The following DPP10 variants were observed in gnomAD, a reference collection of about 807,000 sequenced individuals.
The protein encoded by DPP10 is inactive dipeptidyl peptidase 10.
In DPP10, 33 loss-of-function variants were observed where a neutral mutation model predicts 120.9. That is an observed-to-expected ratio of 0.27 (90% CI 0.21 to 0.37). The LOEUF (loss-of-function observed/expected upper bound fraction) is 0.37. DPP10 is among the 10% of genes least tolerant of loss of function. The pLI is 1.00. For missense variants in DPP10, 816 were observed against 942.8 expected (o/e 0.87, Z 1.76); for synonymous variants, 337 against 326.1 (o/e 1.03, Z -0.36).
chr2:114,578,429 T>C (rs1690232269), intron 1 of DPP10, among the ~76,000 whole-genome samples: 1 of 152,218 alleles, frequency 6.6e-6, no homozygotes, highest in Non-Finnish European at 1.5e-5. Context: ...TTTCTTTTTA[T>C]TTCAGTTACA....
At chr2:115,807,128 C>A (rs770000738) in intron 19 of DPP10, among the ~76,000 whole-genome samples, 6 of 152,198 alleles carry the variant, frequency 3.9e-5, no homozygotes, top group Non-Finnish European at 8.8e-5. Context: ...AAGCCTCTTA[C>A]CTTTCTACTT....
At chr2:114,696,771 A>G (rs1700092079) in intron 1 of DPP10, among the ~76,000 whole-genome samples, 1 of 151,990 alleles carries the variant, frequency 6.6e-6, no homozygotes, top group African/African-American at 2.4e-5. Context: ...AGGTGAATGA[A>G]AAAGTCATTA....
chr2:114,613,035 T>A (rs785040), intron 1 of DPP10, among the ~76,000 whole-genome samples: 15,698 of 152,138 alleles, frequency 0.1, 1,049 homozygotes, highest in East Asian at 0.21. Context: ...TTATTAATAA[T>A]GAAAATGAGG....
intron 1 of DPP10, among the ~76,000 whole-genome samples, chr2:114,632,854 T>C (rs1695037514): frequency 6.6e-6 from 1 of 152,170 alleles, no homozygotes; most frequent in Admixed American, 6.5e-5. Flanking sequence ...TTAATTACCA[T>C]TGTGATTACT....
At chr2:115,329,436 C>T (rs902600820) in intron 2 of DPP10, among the ~76,000 whole-genome samples, 1 of 151,694 alleles carries the variant, frequency 6.6e-6, no homozygotes, top group African/African-American at 2.4e-5. Flanking sequence ...GTAGTTCTTG[C>T]TTTCTTTATT....
At chr2:115,520,574 A>C (rs971796394) in intron 4 of DPP10, among the ~76,000 whole-genome samples, 3 of 152,024 alleles carry the variant, frequency 2.0e-5, no homozygotes, top group Non-Finnish European at 4.4e-5. Flanking sequence ...AGCTTATTCC[A>C]AGGTCTAGAA....
intron 1 of DPP10, among the ~76,000 whole-genome samples, chr2:114,447,463 A>G (rs970244510): frequency 1.3e-5 from 2 of 152,218 alleles, no homozygotes; most frequent in African/African-American, 4.8e-5. Flanking sequence ...TTTAATAACA[A>G]AAAATCTACC....
intron 5 of DPP10, among the ~76,000 whole-genome samples, chr2:115,659,798 G>T (rs1367698205): frequency 6.6e-6 from 1 of 152,148 alleles, no homozygotes; most frequent in African/African-American, 2.4e-5. Flanking sequence ...GTTTTCATTT[G>T]TCAGTTCTAT....
At chr2:114,691,820 T>C (rs1029225416) in intron 1 of DPP10, among the ~76,000 whole-genome samples, 1 of 152,018 alleles carries the variant, frequency 6.6e-6, no homozygotes, top group East Asian at 1.9e-4. Context: ...GGAGGATATA[T>C]GTGTCCAGGA....
intron 19 of DPP10, among the ~76,000 whole-genome samples, chr2:115,801,152 T>A (rs895847903): frequency 5.3e-5 from 8 of 151,822 alleles, no homozygotes; most frequent in Non-Finnish European, 7.4e-5. Flanking sequence ...GTCCTTCACA[T>A]CCCTTGTAAG....
intron 1 of DPP10, among the ~76,000 whole-genome samples, chr2:115,136,361 A>G (rs72837526): frequency 0.061 from 9,225 of 152,220 alleles, 398 homozygotes; most frequent in East Asian, 0.24. Flanking sequence ...TGGATGTCCT[A>G]TGAAAATATT....
At chr2:114,976,988 A>T (rs1021962739) in intron 1 of DPP10, among the ~76,000 whole-genome samples, 2 of 152,052 alleles carry the variant, frequency 1.3e-5, no homozygotes, top group Non-Finnish European at 2.9e-5. Context: ...ATTCACTCTG[A>T]TTAATTCCAT....
At chr2:115,075,887 T>G (rs1290944685) in intron 1 of DPP10, among the ~76,000 whole-genome samples, 4 of 152,168 alleles carry the variant, frequency 2.6e-5, no homozygotes, top group African/African-American at 9.7e-5. Flanking sequence ...ATTGTACCCT[T>G]CAGGTTCAAA....
chr2:115,815,127 C>A, intron 20 of DPP10, 140 bp downstream of exon 20: 8 of 816,368 alleles, frequency 9.8e-6, no homozygotes, highest in Non-Finnish European at 1.4e-5. Flanking sequence ...AAGCCTATTT[C>A]ATTTTTTTTT....
At chr2:114,577,424 T>C (rs750684505) in intron 1 of DPP10, among the ~76,000 whole-genome samples, 1 of 152,084 alleles carries the variant, frequency 6.6e-6, no homozygotes, top group Non-Finnish European at 1.5e-5. Context: ...GTGGCCAGTA[T>C]CACATACCTG....
chr2:114,968,793 A>G (rs1699207155), intron 1 of DPP10, among the ~76,000 whole-genome samples: 1 of 152,194 alleles, frequency 6.6e-6, no homozygotes, highest in South Asian at 2.1e-4. Flanking sequence ...CTTGAACTAT[A>G]AAGGATTTTT....
Position 115,818,257 on chromosome 2 carries a change from T to C in DPP10, c.1950+2528T>C, listed in dbSNP as rs1374489213. 4.6e-5 allele frequency among the ~76,000 whole-genome samples: 7 copies of C among 152,338 alleles called. No homozygotes were observed. The South Asian group carries it at 1.0e-3, about 23-fold the overall frequency. On this transcript the variant is annotated intron_variant, in intron 21 of 25. Coordinates refer to ENST00000410059, the MANE Select transcript of DPP10 (RefSeq NM_020868.6). ...GAAATCTGTTTCACAGAAACAAATA[T>C]ATACCTGACACTACGAAACTGTGTG...
intron 1 of DPP10, among the ~76,000 whole-genome samples, chr2:114,760,124 C>T (rs1203659087): frequency 1.3e-5 from 2 of 152,200 alleles, no homozygotes; most frequent in Non-Finnish European, 2.9e-5. Context: ...GCAGGCGATG[C>T]CATTGCTGGC....
At chr2:114,511,118 AG>A (rs1185257535) in intron 1 of DPP10, among the ~76,000 whole-genome samples, 1 of 152,278 alleles carries the variant, frequency 6.6e-6, no homozygotes, top group Non-Finnish European at 1.5e-5. Flanking sequence ...AAGATAAATA[AG>A]TATGTATAGA....
Sources: gnomAD v4.1 joint callset for allele counts (sites outside exome capture counted in the v4.1 genomes callset) on GRCh38, gnomAD v4.1.1 for gene constraint, MANE v1.5 for transcripts, NCBI Gene and HGNC (gene_info 2026-07-23, HGNC 2026-07-21) for gene names.